Variants in CERS3 observed in about 807,000 individuals in gnomAD.
CERS3 encodes the protein ceramide synthase 3, also known as LAG1 homolog, ceramide synthase 3.
A neutral mutation model predicts 50.3 loss-of-function variants in CERS3; 33 were observed. That is an observed-to-expected ratio of 0.66 (90% CI 0.50 to 0.88). CERS3 has a LOEUF of 0.88. CERS3 is among the 40% of genes least tolerant of loss of function. CERS3 has a pLI of 0.00. For synonymous variants in CERS3, 176 were observed against 155.2 expected (o/e 1.13, Z -0.99); for missense variants, 470 against 460.3 (o/e 1.02, Z -0.19).
At chr15:100,419,893 A>G (rs1234113719) in intron 11 of CERS3, among the ~76,000 whole-genome samples, 1 of 150,114 alleles carries the variant, frequency 6.7e-6, no homozygotes, top group Non-Finnish European at 1.5e-5. Flanking sequence ...ACGAGAACAA[A>G]GACACAACAT....
chr15:100,416,159 A>G (rs909878651), intron 11 of CERS3, among the ~76,000 whole-genome samples: 9 of 152,232 alleles, frequency 5.9e-5, no homozygotes, highest in Admixed American at 3.3e-4. Context: ...GAACCAAAAA[A>G]GAGCCCCCAA....
intron 2 of CERS3, among the ~76,000 whole-genome samples, chr15:100,514,225 A>G (rs1010562539): frequency 2.0e-5 from 3 of 152,330 alleles, no homozygotes; most frequent in African/African-American, 7.2e-5. Context: ...TGTCTGTTAA[A>G]TGATAAATTG....
At chr15:100,409,010 A>G (rs2031272363) in intron 11 of CERS3, among the ~76,000 whole-genome samples, 2 of 152,184 alleles carry the variant, frequency 1.3e-5, no homozygotes, top group Non-Finnish European at 2.9e-5. Context: ...CACACCTTGA[A>G]CAGCAATGCT....
intron 2 of CERS3, among the ~76,000 whole-genome samples, chr15:100,518,115 T>C (rs2036542219): frequency 6.6e-6 from 1 of 152,148 alleles, no homozygotes; most frequent in African/African-American, 2.4e-5. Context: ...GACCTCATAC[T>C]GGAAAAAGGC....
chr15:100,540,221 C>T (rs2037166954), intron 1 of CERS3, among the ~76,000 whole-genome samples: 1 of 152,188 alleles, frequency 6.6e-6, no homozygotes, highest in African/African-American at 2.4e-5. Context: ...AAGTCCCATC[C>T]CTTTCCTCTG....
chr15:100,543,148 G>T (rs2037241106), intron 1 of CERS3, among the ~76,000 whole-genome samples: 1 of 152,116 alleles, frequency 6.6e-6, no homozygotes, highest in Admixed American at 6.6e-5. Flanking sequence ...CTGACTTCAG[G>T]TGATCCACCT....
At position 100,469,360 on chromosome 15, in the gene CERS3, C is replaced by T. The variant is rs2142236356; in HGVS notation, c.845+18G>A. The T allele has an allele frequency of 1.3e-6, 2 of 1,596,060 alleles. No homozygotes were observed. The highest frequency in any genetic ancestry group is 2.2e-5 in the South Asian group (2 of 90,714). Reference sequence around the variant, plus strand: ...CTGCACACTGACCAAAGGCAGGGCACATCACCGGTCTACTCACCAGAAAGG... The same window carrying T: ...CTGCACACTGACCAAAGGCAGGGCATATCACCGGTCTACTCACCAGAAAGG... On this transcript the variant is annotated intron_variant, in intron 10 of 11. Transcript: ENST00000679737.
intron 5 of CERS3, among the ~76,000 whole-genome samples, chr15:100,482,498 A>T (rs533462971): frequency 2.0e-5 from 3 of 152,218 alleles, no homozygotes; most frequent in Admixed American, 6.5e-5. Context: ...AACACTGAGG[A>T]GTTCTCCTAC....
intron 11 of CERS3, among the ~76,000 whole-genome samples, chr15:100,437,004 T>A (rs2033443617): frequency 6.7e-6 from 1 of 149,978 alleles, no homozygotes; most frequent in Non-Finnish European, 1.5e-5. Flanking sequence ...AGTGCAGTGG[T>A]GCAATCTCCA....
intron 2 of CERS3, among the ~76,000 whole-genome samples, chr15:100,521,150 T>C (rs1231529759): frequency 6.6e-6 from 1 of 152,228 alleles, no homozygotes; most frequent in East Asian, 1.9e-4. Flanking sequence ...TCCTCCCCTC[T>C]ACGTTACCTG....
intron 11 of CERS3, among the ~76,000 whole-genome samples, chr15:100,410,172 T>C (rs146052479): frequency 6.6e-6 from 1 of 152,304 alleles, no homozygotes; most frequent in Non-Finnish European, 1.5e-5. Flanking sequence ...CGAGGTCTTT[T>C]AGAAGTCTCT....
chr15:100,409,645 C>T (rs979634205), intron 11 of CERS3, among the ~76,000 whole-genome samples: 10 of 152,152 alleles, frequency 6.6e-5, no homozygotes, highest in African/African-American at 2.4e-4. Flanking sequence ...GACTGAGTGC[C>T]AAGACTTTGC....
intron 1 of CERS3, among the ~76,000 whole-genome samples, chr15:100,526,306 T>C (rs891235431): frequency 6.6e-6 from 1 of 152,170 alleles, no homozygotes; most frequent in Non-Finnish European, 1.5e-5. Flanking sequence ...AAGCTTCTTG[T>C]GTGGATGGCT....
chr15:100,485,551 C>G (rs980506834), intron 4 of CERS3, among the ~76,000 whole-genome samples: 4 of 152,144 alleles, frequency 2.6e-5, no homozygotes, highest in Non-Finnish European at 4.4e-5. Flanking sequence ...AATGCCAGCC[C>G]TCTTGATTTC....
intron 10 of CERS3, among the ~76,000 whole-genome samples, 189 bp from the exon 11 acceptor site, chr15:100,456,235 TAC>T (rs1276555277): frequency 2.0e-5 from 3 of 152,192 alleles, no homozygotes; most frequent in Non-Finnish European, 2.9e-5. Flanking sequence ...ACAAAAAAAG[TAC>T]AATCTGTCTT....
intron 11 of CERS3, among the ~76,000 whole-genome samples, chr15:100,446,307 G>T (rs2033937687): frequency 6.7e-6 from 1 of 148,576 alleles, no homozygotes; most frequent in Non-Finnish European, 1.5e-5. Flanking sequence ...AACAGGAAAA[G>T]TTGGCTCTCA....
rs549055344 is a variant in CERS3, at chr15:100,459,022, C to T, written c.846-2976G>A. 1.7e-3 allele frequency among the ~76,000 whole-genome samples: 265 copies of T among 152,320 alleles called. 2 individuals carry two copies. The highest frequency in any genetic ancestry group is 6.1e-3 in the African/African-American group (255 of 41,586). On this transcript the variant is annotated intron_variant, in intron 10 of 11. Transcript: ENST00000679737. ...TACAGTACAAAAGCAGCCATGACAG[C>T]TAACATTACATAAACTAATTCATGT...
At chr15:100,444,962 C>A (rs531059009) in intron 11 of CERS3, among the ~76,000 whole-genome samples, 1 of 152,198 alleles carries the variant, frequency 6.6e-6, no homozygotes, top group Non-Finnish European at 1.5e-5. Flanking sequence ...TCTTAGTATT[C>A]AGTGAAACCT....
chr15:100,476,271 C>A (rs940117410), intron 7 of CERS3, 93 bp from the exon 8 acceptor site: 5 of 634,952 alleles, frequency 7.9e-6, no homozygotes, highest in African/African-American at 3.9e-5. Flanking sequence ...CTATTTATAT[C>A]CCACCAGATT....
Sources: gnomAD v4.1 joint callset for allele counts (sites outside exome capture counted in the v4.1 genomes callset) on GRCh38, gnomAD v4.1.1 for gene constraint, MANE v1.5 for transcripts, NCBI Gene and HGNC (gene_info 2026-07-23, HGNC 2026-07-21) for gene names.